Variants in RPRD1A observed in about 807,000 individuals in gnomAD.
RPRD1A encodes the protein regulation of nuclear pre-mRNA domain containing 1A.
RPRD1A carries 9 observed loss-of-function variants against 37.8 expected under a neutral mutation model. The ratio of observed to expected loss-of-function variants is 0.24; its 90% CI spans 0.14 to 0.42. The LOEUF (loss-of-function observed/expected upper bound fraction) is 0.42. Ranked by LOEUF, RPRD1A falls within the 10% of genes least tolerant of loss-of-function variation. The pLI is 1.00. For missense variants in RPRD1A, 255 were observed against 371.0 expected (o/e 0.69, Z 2.57); for synonymous variants, 138 against 139.7 (o/e 0.99, Z 0.08).
At chr18:36,029,624 TAA>T (rs79491198) in intron 4 of RPRD1A, among the ~76,000 whole-genome samples, 118 of 112,974 alleles carry the variant, frequency 1.0e-3, no homozygotes, top group African/African-American at 2.1e-3. Context: ...AATGCCCACT[TAA>T]AAAAAAAAAA....
intron 6 of RPRD1A, among the ~76,000 whole-genome samples, chr18:36,023,185 G>C (rs1911128315): frequency 6.6e-6 from 1 of 152,188 alleles, no homozygotes; most frequent in Non-Finnish European, 1.5e-5. Context: ...CAAAGTAACT[G>C]AAAACTTTCA....
chr18:36,063,604 A>T (rs534808424), intron 1 of RPRD1A, among the ~76,000 whole-genome samples: 4 of 152,346 alleles, frequency 2.6e-5, no homozygotes, highest in Admixed American at 2.6e-4. Flanking sequence ...TACTTTCAAG[A>T]TTGATCGATT....
At chr18:36,034,938 C>T (rs1598638282) in intron 1 of RPRD1A, among the ~76,000 whole-genome samples, 2 of 152,204 alleles carry the variant, frequency 1.3e-5, no homozygotes, top group Non-Finnish European at 2.9e-5. Context: ...CTTTACAAAC[C>T]TGTGCCATGC....
intron 6 of RPRD1A, among the ~76,000 whole-genome samples, chr18:36,015,173 T>TATACAC (rs1555671495): frequency 1.5e-4 from 20 of 130,914 alleles, no homozygotes; most frequent in African/African-American, 5.0e-4. Flanking sequence ...TACACATATA[T>TATACAC]ACACACACAC....
chr18:36,059,698 A>G (rs1210521834), intron 1 of RPRD1A, among the ~76,000 whole-genome samples: 1 of 152,206 alleles, frequency 6.6e-6, no homozygotes, highest in Non-Finnish European at 1.5e-5. Context: ...CAAAGAATAC[A>G]TTTAAAATAA....
At chr18:36,008,573 G>GTGTGTGTGTATA (rs1555670666) in intron 6 of RPRD1A, among the ~76,000 whole-genome samples, 9 of 36,632 alleles carry the variant, frequency 2.5e-4, no homozygotes, top group Non-Finnish European at 4.6e-4. Flanking sequence ...AAGACCTTGT[G>GTGTGTGTGTATA]TGTGTATATA....
intron 1 of RPRD1A, among the ~76,000 whole-genome samples, chr18:36,054,770 G>T (rs189888257): frequency 6.6e-6 from 1 of 152,034 alleles, no homozygotes; most frequent in East Asian, 1.9e-4. Context: ...GACTACCAAT[G>T]GTGTAGTTCA....
At chr18:36,025,465 C>T in intron 6 of RPRD1A, 2 of 393,874 alleles carry the variant, frequency 5.1e-6, no homozygotes, top group South Asian at 2.3e-5. Context: ...CTATTTTCTA[C>T]AGTTACACTT....
chr18:36,048,063 C>CTTTTT (rs1156933838), intron 1 of RPRD1A, among the ~76,000 whole-genome samples: 8 of 114,470 alleles, frequency 7.0e-5, no homozygotes, highest in Admixed American at 9.5e-5. Context: ...GTACCCATTC[C>CTTTTT]TTTTTTTTTT....
rs182918079 is a variant in RPRD1A, at chr18:36,025,882, A to G, written c.789+1018T>C. The G allele has an allele frequency of 1.0e-4, 31 of 307,190 alleles. No homozygotes were observed. The East Asian group carries it at 1.1e-3, about 11-fold the overall frequency. 19.0% of individuals were successfully genotyped at this position (307,190 alleles called of 1,614,324 possible). Reference sequence around the variant, plus strand: ...AAAAAAAAACCATCTTTTCCTTTCCATGTAGAAGTGGGCAACCTCTTCAAA... The same window carrying G: ...AAAAAAAAACCATCTTTTCCTTTCCGTGTAGAAGTGGGCAACCTCTTCAAA... On this transcript the variant is annotated intron_variant, in intron 6 of 6. Coordinates refer to ENST00000399022, the MANE Select transcript of RPRD1A (RefSeq NM_018170.5).
chr18:36,050,513 C>T (rs896790056), intron 1 of RPRD1A, among the ~76,000 whole-genome samples: 2 of 151,804 alleles, frequency 1.3e-5, no homozygotes, highest in Admixed American at 1.3e-4. Flanking sequence ...AGACTAATAG[C>T]CAGAATATAC....
intron 1 of RPRD1A, among the ~76,000 whole-genome samples, chr18:36,038,270 G>A (rs961139711): frequency 5.6e-4 from 85 of 152,234 alleles, no homozygotes; most frequent in African/African-American, 2.0e-3. Flanking sequence ...CAGGCCCAGG[G>A]CCTTGTTGCT....
At chr18:35,995,261 GTTT>G (rs1232555714) in intron 6 of RPRD1A, among the ~76,000 whole-genome samples, 2 of 109,206 alleles carry the variant, frequency 1.8e-5, no homozygotes, top group Non-Finnish European at 1.9e-5. Context: ...GCTTTTTTTC[GTTT>G]TTTTTTTTTT....
At chr18:35,998,941 A>G (rs936475199) in intron 6 of RPRD1A, among the ~76,000 whole-genome samples, 2 of 152,146 alleles carry the variant, frequency 1.3e-5, no homozygotes, top group African/African-American at 4.8e-5. Context: ...AATCTGAACC[A>G]CCATTACAGA....
chr18:36,008,012 G>C (rs1340668989), intron 6 of RPRD1A, among the ~76,000 whole-genome samples: 1 of 151,734 alleles, frequency 6.6e-6, no homozygotes, highest in East Asian at 1.9e-4. Flanking sequence ...AGGAGGCTGA[G>C]ACACAACTGC....
chr18:36,030,380 G>A (rs1201398761), intron 4 of RPRD1A, among the ~76,000 whole-genome samples: 2 of 151,678 alleles, frequency 1.3e-5, no homozygotes, highest in Admixed American at 1.3e-4. Flanking sequence ...CTATTTGGAA[G>A]GCTAAGGCAG....
chr18:36,028,679 A>G (rs909413568), intron 4 of RPRD1A, among the ~76,000 whole-genome samples: 1 of 152,222 alleles, frequency 6.6e-6, no homozygotes, highest in African/African-American at 2.4e-5. Flanking sequence ...TAAGCCTACT[A>G]CTTCCTACCA....
At chr18:35,998,035 T>G (rs1346194124) in intron 6 of RPRD1A, among the ~76,000 whole-genome samples, 1 of 152,238 alleles carries the variant, frequency 6.6e-6, no homozygotes, top group Non-Finnish European at 1.5e-5. Context: ...TTGGTTGTGC[T>G]CATTTTCGTT....
At chr18:36,022,788 C>G (rs1005589392) in intron 6 of RPRD1A, among the ~76,000 whole-genome samples, 2 of 152,200 alleles carry the variant, frequency 1.3e-5, no homozygotes, top group African/African-American at 4.8e-5. Flanking sequence ...ACAGCAAGAA[C>G]TCTTCTTTAC....
Sources: gnomAD v4.1 joint callset for allele counts (sites outside exome capture counted in the v4.1 genomes callset) on GRCh38, gnomAD v4.1.1 for gene constraint, MANE v1.5 for transcripts, NCBI Gene and HGNC (gene_info 2026-07-23, HGNC 2026-07-21) for gene names.